Variants in ADAMTS15 observed in about 807,000 individuals in gnomAD.
ADAMTS15 encodes the protein A disintegrin and metalloproteinase with thrombospondin motifs 15.
Under a neutral mutation model 79.1 loss-of-function variants are expected in ADAMTS15, and 35 were observed. The observed-to-expected ratio is 0.44, with a 90% CI of 0.34 to 0.59. The LOEUF (loss-of-function observed/expected upper bound fraction) is 0.59. Among genes scored for constraint, ADAMTS15 ranks in the 20% least tolerant of loss-of-function variants. The probability of loss-of-function intolerance (pLI) is 0.02; values close to 1 mark genes in which losing one functional copy is unlikely to be tolerated. For synonymous variants in ADAMTS15, 616 were observed against 567.3 expected (o/e 1.09, Z -1.22); for missense variants, 1,324 against 1,318.7 (o/e 1.00, Z -0.06).
At chr11:130,468,650 A>G (rs545335165) in intron 4 of ADAMTS15, among the ~76,000 whole-genome samples, 2 of 151,664 alleles carry the variant, frequency 1.3e-5, no homozygotes, top group South Asian at 4.2e-4. Context: ...CTGTAATCCC[A>G]GCTACTCGGG....
Position 130,471,630 on chromosome 11 carries a change from G to C in ADAMTS15, c.2078+247G>C, listed in dbSNP as rs143403319. On this transcript the variant is annotated intron_variant, in intron 7 of 7. Transcript: ENST00000299164. ...CTGGGGGAAGACCCACTTAACAGGA[G>C]ATGGTATTCAGGAAGGTGGGCAGAG... Among the ~76,000 whole-genome samples, 760 of 152,264 alleles carry C rather than the reference G, an allele frequency of 5.0e-3. 5 individuals carry two copies. Among genetic ancestry groups the C allele is most frequent in the South Asian group, 0.012 (56 of 4,826 alleles).
chr11:130,462,484 C>G lies in ADAMTS15; in HGVS notation c.1259-13C>G, dbSNP rs748985873. Reference sequence around the variant, plus strand: ...CCCAGCTCATCCTAACGAACGCCCTCGGCTCTCTGCAGGTGACTGCCTCCT... The same window carrying G: ...CCCAGCTCATCCTAACGAACGCCCTGGGCTCTCTGCAGGTGACTGCCTCCT... On this transcript the variant is annotated splice_polypyrimidine_tract_variant and intron_variant, in intron 3 of 7. Coordinates refer to ENST00000299164, the MANE Select transcript of ADAMTS15 (RefSeq NM_139055.4). The surrounding 1 kb of genome is among the most constrained non-coding windows in gnomAD (Gnocchi z 4.3). 5 of 1,572,804 alleles carry G rather than the reference C, an allele frequency of 3.2e-6. No individual in the cohort carries two copies. Among genetic ancestry groups the G allele is most frequent in the Non-Finnish European group, 4.3e-6 (5 of 1,154,632 alleles).
chr11:130,461,883 T>C (rs1565394171), intron 2 of ADAMTS15, among the ~76,000 whole-genome samples: 1 of 152,166 alleles, frequency 6.6e-6, no homozygotes. Context: ...GTACACTCTG[T>C]TGTCAGGGAG....
intron 1 of ADAMTS15, among the ~76,000 whole-genome samples, chr11:130,460,879 G>A (rs899736423): frequency 6.6e-6 from 1 of 152,182 alleles, no homozygotes; most frequent in Non-Finnish European, 1.5e-5. Context: ...CAGCCACTGA[G>A]CGTGTGTCCC....
Position 130,473,569 on chromosome 11 carries a change from G to C in ADAMTS15, c.2601G>C (p.Arg867=). The part of the protein sequence containing the change: ...SGLQKRAVDC[R]GSAGQRTVPA... ...TGCAGAAGCGGGCGGTGGACTGCCG[G>C]GGCTCCGCCGGGCAGCGCACGGTCC... The change falls in exon 8 of 8, where the codon CGG becomes CGC. Residue 867 remains arginine (R), a synonymous_variant. Transcript: ENST00000299164. 6.2e-7 allele frequency: 1 copy of C among 1,602,588 alleles called. No homozygotes were observed. The highest frequency in any genetic ancestry group is 8.5e-7 in the Non-Finnish European group (1 of 1,173,732).
chr11:130,453,954 A>T (rs993476701), intron 1 of ADAMTS15, among the ~76,000 whole-genome samples: 3 of 152,116 alleles, frequency 2.0e-5, no homozygotes, highest in African/African-American at 7.2e-5. Context: ...ATGACTAATT[A>T]AAAAAATGCC....
chr11:130,470,825 C>T (rs1938435015), intron 5 of ADAMTS15, 95 bp from the exon 6 acceptor site: 1 of 1,409,902 alleles, frequency 7.1e-7, no homozygotes, highest in Non-Finnish European at 9.7e-7. Context: ...GTGGGAAGGG[C>T]TAAGAGAGCC....
At chr11:130,454,377 C>T (rs534451510) in intron 1 of ADAMTS15, among the ~76,000 whole-genome samples, 6 of 152,312 alleles carry the variant, frequency 3.9e-5, no homozygotes, top group South Asian at 4.1e-4. Flanking sequence ...CCCTACACTG[C>T]GCAGAGCGGA....
intron 1 of ADAMTS15, among the ~76,000 whole-genome samples, chr11:130,458,339 C>T (rs929655102): frequency 3.9e-5 from 6 of 152,202 alleles, no homozygotes; most frequent in African/African-American, 1.4e-4. Flanking sequence ...GGATTACAGG[C>T]CCGAGCCACT....
Position 130,473,604 on chromosome 11 carries a change from A to T in ADAMTS15, c.2636A>T (p.Asp879Val). The T allele has an allele frequency of 6.2e-7, 1 of 1,609,968 alleles. No homozygotes were observed. Among genetic ancestry groups the T allele is most frequent in the Non-Finnish European group, 8.5e-7 (1 of 1,179,190 alleles). Residue 879 changes from aspartate to valine, a missense_variant, in exon 8 of 8, where the codon GAT becomes GTT. Coordinates refer to ENST00000299164, the MANE Select transcript of ADAMTS15 (RefSeq NM_139055.4). ...SAGQRTVPAC[D>V]AAHRPVETQA... is the part of the protein sequence containing the mutation. ...GGGCAGCGCACGGTCCCTGCCTGTG[A>T]TGCAGCCCATCGGCCCGTGGAGACA...
chr11:130,469,497 C>G (rs1201502610), intron 5 of ADAMTS15, 58 bp downstream of exon 5: 1 of 1,240,892 alleles, frequency 8.1e-7, no homozygotes. Flanking sequence ...TGGAGGTCCC[C>G]CCACCCCACC....
chr11:130,473,993 T>C lies in ADAMTS15; in HGVS notation c.*172T>C. ...AGAGGTTCCCTCCTCCTCCCTGGACTGGGCAGAGGGAAGCCCAGGAACTCC... is the reference window on the plus strand; with the variant it reads ...AGAGGTTCCCTCCTCCTCCCTGGACCGGGCAGAGGGAAGCCCAGGAACTCC... On this transcript the variant is annotated 3_prime_UTR_variant, in exon 8 of 8. Coordinates refer to ENST00000299164, the MANE Select transcript of ADAMTS15 (RefSeq NM_139055.4). The C allele has an allele frequency of 2.1e-6, 2 of 937,000 alleles. No individual in the cohort carries two copies. The highest frequency in any genetic ancestry group is 3.1e-6 in the Non-Finnish European group (2 of 647,384). 58.0% of individuals were successfully genotyped at this position (937,000 alleles called of 1,614,324 possible).
chr11:130,448,658 C>G lies in ADAMTS15; in HGVS notation c.-316C>G, dbSNP rs750178446. Among the ~76,000 whole-genome samples, 8 of 152,226 alleles carry G rather than the reference C, an allele frequency of 5.3e-5. No homozygotes were observed. Among genetic ancestry groups the G allele is most frequent in the Non-Finnish European group, 1.0e-4 (7 of 68,040 alleles). ...GCCTGGCTTGCTGCGCTGCGAGTGG[C>G]TGCGGTTGCGAGAAGCCGCCCGGCA... On this transcript the variant is annotated 5_prime_UTR_variant, in exon 1 of 8. Coordinates refer to ENST00000299164, the MANE Select transcript of ADAMTS15 (RefSeq NM_139055.4).
chr11:130,449,577 C>G lies in ADAMTS15; in HGVS notation c.604C>G (p.Arg202Gly). 1 of 1,595,416 alleles carries G rather than the reference C, an allele frequency of 6.3e-7. No individual in the cohort carries two copies. Among genetic ancestry groups the G allele is most frequent in the Non-Finnish European group, 8.5e-7 (1 of 1,170,720 alleles). ...KPRRAGFGESRSRRRSGRAKR... is the reference protein window; with the variant it reads ...KPRRAGFGESGSRRRSGRAKR... ...GCGGCGGGCGGGCTTCGGGGAGAGT[C>G]GTAGCCGGCGCAGGTCTGGGCGCGC... The change falls in exon 1 of 8, where the codon CGT becomes GGT. Residue 202 changes from arginine to glycine, a missense_variant. Physicochemically the swap from Arg to Gly is moderately radical, Grantham distance 125. Transcript: ENST00000299164. The surrounding 1 kb of genome is among the most constrained non-coding windows in gnomAD (Gnocchi z 7.8).
At chr11:130,470,164 A>ATATATACG (rs1938407262) in intron 5 of ADAMTS15, among the ~76,000 whole-genome samples, 2 of 58,248 alleles carry the variant, frequency 3.4e-5, no homozygotes, top group South Asian at 4.5e-4. Flanking sequence ...GTATATATAT[A>ATATATACG]TATATATATA....
chr11:130,469,172 T>C lies in ADAMTS15; in HGVS notation c.1543-90T>C, dbSNP rs575546148. 4.2e-6 allele frequency: 5 copies of C among 1,188,362 alleles called. 1 individual carries two copies. In the South Asian group the frequency reaches 1.6e-4, roughly 39 times the overall value. The allele number at this position is 1,188,362 out of a possible 1,614,324, so 73.6% of individuals were successfully genotyped here. A position where few individuals can be genotyped will look rare whatever the true frequency, so the allele number is the denominator to read the frequency against. On this transcript the variant is annotated intron_variant, in intron 4 of 7. Transcript: ENST00000299164. ...ATTCCAGGAAGGTGGGATGAGAACT[T>C]GGAGGCTGTACAGTGTAGTTTTCTA...
Position 130,449,613 on chromosome 11 carries a change from G to A in ADAMTS15, c.640G>A (p.Val214Met). ...RRRSGRAKRF[V>M]SIPRYVETLV... ...CAGGTCTGGGCGCGCCAAGCGTTTC[G>A]TGTCTATCCCGCGGTACGTGGAGAC... The change falls in exon 1 of 8, where the codon GTG becomes ATG. Residue 214 changes from valine (V) to methionine (M), a missense_variant. Coordinates refer to ENST00000299164, the MANE Select transcript of ADAMTS15 (RefSeq NM_139055.4). This position sits in a 1 kb window ranked among gnomAD's most constrained non-coding sequence, Gnocchi z 7.8. 1 of 1,605,772 alleles carries A rather than the reference G, an allele frequency of 6.2e-7. No individual in the cohort carries two copies. Among genetic ancestry groups the A allele is most frequent in the African/African-American group, 1.3e-5 (1 of 74,972 alleles).
At position 130,472,003 on chromosome 11, in the gene ADAMTS15, T is replaced by C. The variant is rs1046068112; in HGVS notation, c.2078+620T>C. On this transcript the variant is annotated intron_variant, in intron 7 of 7. Transcript: ENST00000299164. The surrounding 1 kb of genome is among the most constrained non-coding windows in gnomAD (Gnocchi z 4.7). Reference sequence around the variant, plus strand: ...TGGGCAGCTGGGACTGAAGGAGTCTTCACGTCTTGGGCAATCCCTGGGCAT... The same window carrying C: ...TGGGCAGCTGGGACTGAAGGAGTCTCCACGTCTTGGGCAATCCCTGGGCAT... Among the ~76,000 whole-genome samples the C allele has an allele frequency of 6.6e-6, 1 of 152,252 alleles. No homozygotes were observed. The highest frequency in any genetic ancestry group is 2.4e-5 in the African/African-American group (1 of 41,476).
Position 130,462,464 on chromosome 11 carries a change from C to T in ADAMTS15, c.1259-33C>T, listed in dbSNP as rs761885457. 2.5e-5 allele frequency: 39 copies of T among 1,554,640 alleles called. No homozygotes were observed. Among genetic ancestry groups the T allele is most frequent in the Non-Finnish European group, 3.2e-5 (37 of 1,145,654 alleles). The stretch of plus-strand genomic sequence containing the variant: ...GGCTAGCCAAACCTCATCTTCCCAG[C>T]TCATCCTAACGAACGCCCTCGGCTC... On this transcript the variant is annotated intron_variant, in intron 3 of 7. Coordinates refer to ENST00000299164, the MANE Select transcript of ADAMTS15 (RefSeq NM_139055.4). The surrounding 1 kb of genome is among the most constrained non-coding windows in gnomAD (Gnocchi z 4.3).
Sources: allele counts gnomAD v4.1 joint callset (sites outside exome capture counted in the v4.1 genomes callset), GRCh38; gene constraint gnomAD v4.1.1; non-coding constraint Gnocchi (gnomAD v3.1); transcripts MANE v1.5; gene names NCBI Gene and HGNC (gene_info 2026-07-23, HGNC 2026-07-21).